The following GABRG3 variants were observed in gnomAD, a reference collection of about 807,000 sequenced individuals.
The protein encoded by GABRG3 is gamma-aminobutyric acid type A receptor subunit gamma3.
Under a neutral mutation model 48.8 loss-of-function variants are expected in GABRG3, and 25 were observed. That is an observed-to-expected ratio of 0.51 (90% confidence interval 0.37 to 0.72). The LOEUF (loss-of-function observed/expected upper bound fraction) is 0.72, where lower values mean the gene tolerates loss of function less well. GABRG3 is among the 30% of genes least tolerant of loss of function. The pLI, the probability that GABRG3 is intolerant of heterozygous loss-of-function variation, is 0.00. For missense variants in GABRG3, 394 were observed against 577.9 expected, an observed-to-expected ratio of 0.68 and a Z score of 3.26; for synonymous variants, 227 against 217.6, an observed-to-expected ratio of 1.04 and a Z score of -0.38.
chr15:27,062,363 G>A (rs534457496), intron 3 of GABRG3, among the ~76,000 whole-genome samples: 2 of 150,166 alleles, frequency 1.3e-5, no homozygotes, highest in Admixed American at 6.7e-5. Context: ...TCAGGAGGCC[G>A]AGGCAGGCAG....
At chr15:27,355,358 C>G (rs1427848923) in intron 5 of GABRG3, among the ~76,000 whole-genome samples, 2 of 152,108 alleles carry the variant, frequency 1.3e-5, no homozygotes, top group Non-Finnish European at 2.9e-5. Flanking sequence ...ATACAAATGA[C>G]CAATCAGCAC....
At chr15:27,422,977 C>T (rs1291583364) in intron 5 of GABRG3, among the ~76,000 whole-genome samples, 2 of 152,230 alleles carry the variant, frequency 1.3e-5, no homozygotes, top group East Asian at 1.9e-4. Flanking sequence ...CTGGGCCACA[C>T]AGGAGTGCTT....
At chr15:27,322,361 A>T (rs1042407166) in intron 3 of GABRG3, among the ~76,000 whole-genome samples, 2 of 152,080 alleles carry the variant, frequency 1.3e-5, no homozygotes, top group African/African-American at 4.8e-5. Flanking sequence ...TGTGTGGGAC[A>T]GGGGTGGGGA....
At chr15:27,302,743 A>G (rs950297437) in intron 3 of GABRG3, among the ~76,000 whole-genome samples, 27 of 152,010 alleles carry the variant, frequency 1.8e-4, no homozygotes, top group Non-Finnish European at 1.8e-4. Flanking sequence ...AACAAACTCC[A>G]AAGTTTAAAT....
chr15:27,265,708 TTTCTCTCAGTCTGCAGCTTGCCTTTTCA>T (rs1244948646), intron 3 of GABRG3, among the ~76,000 whole-genome samples: 1 of 152,146 alleles, frequency 6.6e-6, no homozygotes, highest in Non-Finnish European at 1.5e-5. Flanking sequence ...TTGCAAATAC[TTTCTCTCAGTCTGCAGCTTGCCTTTTCA>T]TTCTCTCAGC....
chr15:27,026,996 A>G (rs1450501922), intron 3 of GABRG3, 175 bp downstream of exon 3: 4 of 493,826 alleles, frequency 8.1e-6, no homozygotes, highest in Non-Finnish European at 1.4e-5. Context: ...GAAGAAAGAT[A>G]GCTTGTGATG....
At chr15:27,120,897 T>C (rs755495642) in intron 3 of GABRG3, among the ~76,000 whole-genome samples, 12 of 152,168 alleles carry the variant, frequency 7.9e-5, no homozygotes, top group Admixed American at 2.0e-4. Flanking sequence ...ATCTCAGTAC[T>C]CTTGGGAGAC....
intron 4 of GABRG3, 51 bp from the exon 5 acceptor site, chr15:27,328,755 C>T: frequency 6.5e-7 from 1 of 1,539,466 alleles, no homozygotes; most frequent in South Asian, 1.1e-5. Flanking sequence ...CGGCCGCCGG[C>T]CTTGCCCTGT....
chr15:26,977,350 T>C (rs1894970818), intron 2 of GABRG3, among the ~76,000 whole-genome samples, 200 bp downstream of exon 2: 1 of 152,134 alleles, frequency 6.6e-6, no homozygotes, highest in Non-Finnish European at 1.5e-5. Flanking sequence ...TGGCTCTGTG[T>C]CATTTTATCC....
chr15:27,149,310 G>T (rs942921899), intron 3 of GABRG3, among the ~76,000 whole-genome samples: 1 of 151,030 alleles, frequency 6.6e-6, no homozygotes, highest in Non-Finnish European at 1.5e-5. Flanking sequence ...TGTATACTAG[G>T]AACTAAAATA....
At chr15:27,388,176 A>T (rs1406752090) in intron 5 of GABRG3, among the ~76,000 whole-genome samples, 1 of 85,116 alleles carries the variant, frequency 1.2e-5, no homozygotes, top group South Asian at 6.0e-4. Flanking sequence ...GGAAGGAAGG[A>T]AAGGAGGGAG....
intron 2 of GABRG3, among the ~76,000 whole-genome samples, chr15:27,017,613 T>G (rs1308803103): frequency 6.6e-6 from 1 of 152,208 alleles, no homozygotes; most frequent in Non-Finnish European, 1.5e-5. Flanking sequence ...CTTTCTTTCC[T>G]CAGGGAGAAG....
At chr15:27,030,686 A>G (rs1010058501) in intron 3 of GABRG3, among the ~76,000 whole-genome samples, 2 of 92,998 alleles carry the variant, frequency 2.2e-5, no homozygotes, top group Non-Finnish European at 4.5e-5. Flanking sequence ...GAAGAAAACC[A>G]ATGTTCTGAC....
chr15:27,183,777 T>G (rs1256988901), intron 3 of GABRG3, among the ~76,000 whole-genome samples: 2 of 152,246 alleles, frequency 1.3e-5, no homozygotes, highest in Non-Finnish European at 2.9e-5. Context: ...TTAACAATTT[T>G]AAGCGTATTA....
chr15:27,498,639 C>T (rs775486649), intron 6 of GABRG3, among the ~76,000 whole-genome samples: 25 of 152,158 alleles, frequency 1.6e-4, no homozygotes, highest in Admixed American at 6.5e-4. Flanking sequence ...TACAGGTGCA[C>T]GCCACCATGC....
intron 3 of GABRG3, among the ~76,000 whole-genome samples, chr15:27,049,444 T>G (rs1167213724): frequency 4.6e-5 from 7 of 152,318 alleles, no homozygotes; most frequent in East Asian, 3.9e-4. Flanking sequence ...CTAATCTTAC[T>G]GCTTCTAACT....
At chr15:27,089,380 T>C (rs1003463114) in intron 3 of GABRG3, among the ~76,000 whole-genome samples, 3 of 152,094 alleles carry the variant, frequency 2.0e-5, no homozygotes, top group African/African-American at 7.2e-5. Flanking sequence ...GGCTGCAGTG[T>C]CCTCTGTGGG....
At chr15:27,421,674 T>A (rs1167431546) in intron 5 of GABRG3, among the ~76,000 whole-genome samples, 1 of 151,422 alleles carries the variant, frequency 6.6e-6, no homozygotes, top group Non-Finnish European at 1.5e-5. Flanking sequence ...GAGGCATCCA[T>A]GCAGTGGGCT....
At chr15:27,518,195 C>CAAAAAAAAAAAAAAAAAAAAAAAA (rs58222645) in intron 6 of GABRG3, among the ~76,000 whole-genome samples, 16 of 88,018 alleles carry the variant, frequency 1.8e-4, no homozygotes, top group African/African-American at 6.4e-4. Context: ...ACTAAAAATA[C>CAAAAAAAAAAAAAAAAAAAAAAAA]AAAAAAAAAA....
Sources: allele counts gnomAD v4.1 joint callset (sites outside exome capture counted in the v4.1 genomes callset), GRCh38; gene constraint gnomAD v4.1.1; transcripts MANE v1.5; gene names NCBI Gene and HGNC (gene_info 2026-07-23, HGNC 2026-07-21).